ZFAND2A: variants seen among roughly 807,000 people sequenced by gnomAD.
ZFAND2A encodes the protein zinc finger AN1-type containing 2A.
In ZFAND2A, 20 loss-of-function variants were observed where a neutral mutation model predicts 11.6. The observed-to-expected ratio is 1.72, with a 90% CI of 1.21 to 2.50. The LOEUF is 2.50. Ranked by LOEUF, ZFAND2A falls within the 30% of genes most tolerant of loss-of-function variation. The probability of loss-of-function intolerance (pLI) is 0.00; values close to 1 mark genes in which losing one functional copy is unlikely to be tolerated. For missense variants in ZFAND2A, 234 were observed against 182.9 expected (o/e 1.28, Z -1.61); for synonymous variants, 93 against 60.6 (o/e 1.54, Z -2.48).
chr7:1,157,586 T>TA (rs1793559018), intron 3 of ZFAND2A, 70 bp downstream of exon 3: 4 of 1,438,986 alleles, frequency 2.8e-6, no homozygotes, highest in Non-Finnish European at 3.8e-6. Flanking sequence ...CGCTAGTCCC[T>TA]ACCATACCAG....
chr7:1,150,774 A>G (rs558738541), downstream of ZFAND2A, among the ~76,000 whole-genome samples: 2 of 152,208 alleles, frequency 1.3e-5, no homozygotes, highest in East Asian at 1.9e-4. Flanking sequence ...CCACTGCTTC[A>G]TCACTGGACA....
intron 1 of ZFAND2A, among the ~76,000 whole-genome samples, chr7:1,159,153 G>C (rs1445314937): frequency 6.6e-6 from 1 of 151,924 alleles, no homozygotes; most frequent in African/African-American, 2.4e-5. Context: ...GCCCTCCTTC[G>C]CCCACAGCTT....
chr7:1,155,356 T>G, intron 4 of ZFAND2A, 97 bp downstream of exon 4: 1 of 1,523,326 alleles, frequency 6.6e-7, no homozygotes, highest in Non-Finnish European at 8.8e-7. Context: ...ACTTTGTACA[T>G]AAACTATTGG....
chr7:1,155,629 T>C (rs1479493108), intron 3 of ZFAND2A, 45 bp from the exon 4 acceptor site: 4 of 1,598,902 alleles, frequency 2.5e-6, no homozygotes, highest in Non-Finnish European at 3.4e-6. Context: ...TCATGCAACT[T>C]AAACTCACAG....
At chr7:1,156,889 A>G (rs1024263426) in intron 3 of ZFAND2A, 9 of 152,378 alleles carry the variant, frequency 5.9e-5, no homozygotes, top group Admixed American at 5.9e-4. Context: ...TGGCTTAGTC[A>G]TCCGTGCCTA....
chr7:1,155,185 C>T (rs1185767615), intron 4 of ZFAND2A, among the ~76,000 whole-genome samples: 3 of 152,102 alleles, frequency 2.0e-5, no homozygotes, highest in Non-Finnish European at 4.4e-5. Context: ...TCTAGAAAGC[C>T]ATGTGAATTC....
chr7:1,152,425 T>C (rs1474736163), downstream of ZFAND2A: 5 of 1,440,086 alleles, frequency 3.5e-6, no homozygotes, highest in Non-Finnish European at 4.6e-6. Context: ...GGTAAGCAAC[T>C]ACCACTGGCC....
chr7:1,152,991 GC>G lies in ZFAND2A; in HGVS notation c.*77del. On this transcript the variant is annotated 3_prime_UTR_variant, in exon 5 of 5. Transcript: ENST00000316495. ...CCAGTGTGGGATGGTGCTCAATGGG[GC>G]TCCACTTCCCACTAGAGTGTAAGCT... 6.3e-7 allele frequency: 1 copy of G among 1,576,550 alleles called. No homozygotes were observed. Among genetic ancestry groups the G allele is most frequent in the Non-Finnish European group, 8.7e-7 (1 of 1,154,734 alleles).
downstream of ZFAND2A, among the ~76,000 whole-genome samples, chr7:1,148,851 G>A (rs1188981465): frequency 8.0e-6 from 1 of 124,242 alleles, no homozygotes; most frequent in Admixed American, 8.3e-5. Context: ...TTTTTTTAAT[G>A]AGACAGTCTT....
chr7:1,158,072 A>G, intron 2 of ZFAND2A, 86 bp downstream of exon 2: 1 of 1,353,326 alleles, frequency 7.4e-7, no homozygotes, highest in South Asian at 1.2e-5. Flanking sequence ...AGGAAGGCCA[A>G]GACACAATTA....
chr7:1,151,652 G>C (rs565972264), downstream of ZFAND2A, among the ~76,000 whole-genome samples: 1 of 151,256 alleles, frequency 6.6e-6, no homozygotes, highest in African/African-American at 2.4e-5. Context: ...CCAGCTACTC[G>C]GGAGGCTGAG....
downstream of ZFAND2A, among the ~76,000 whole-genome samples, chr7:1,149,829 G>T (rs1793365214): frequency 6.6e-6 from 1 of 152,040 alleles, no homozygotes; most frequent in Admixed American, 6.6e-5. Context: ...CTGTGGGACT[G>T]CAGGGTGACT....
intron 1 of ZFAND2A, 65 bp from the exon 2 acceptor site, chr7:1,158,322 T>C (rs569888486): frequency 6.1e-6 from 6 of 979,856 alleles, no homozygotes; most frequent in Non-Finnish European, 9.6e-6. Context: ...GGATTTACAA[T>C]GTAATTACAG....
At position 1,155,551 on chromosome 7, in the gene ZFAND2A, T is replaced by C. The variant is rs751048800; in HGVS notation, c.184A>G (p.Thr62Ala). ...TGGCCCTTTTTTACTGGGATGGGGG[T>C]ATTACAGAGTGGGCATACTGGGACG... ...VHVPVCPLCN[T>A]PIPVKKGQIP... Residue 62 changes from threonine (T) to alanine (A), a missense_variant, in exon 4 of 5, where the codon ACC (threonine) becomes GCC (alanine). Thr to Ala is a moderately conservative substitution (Grantham distance 58). Coordinates refer to ENST00000316495, the MANE Select transcript of ZFAND2A (RefSeq NM_182491.4). 7 of 1,612,920 alleles carry C rather than the reference T, an allele frequency of 4.3e-6. No homozygotes were observed. In the South Asian group the frequency reaches 6.6e-5, roughly 15 times the overall value.
chr7:1,155,768 G>C, intron 3 of ZFAND2A, 184 bp from the exon 4 acceptor site: 1 of 649,282 alleles, frequency 1.5e-6, no homozygotes, highest in South Asian at 2.0e-5. Flanking sequence ...CTAGAATGTG[G>C]GCATCAGCTG....
At chr7:1,157,882 T>C in intron 2 of ZFAND2A, 132 bp from the exon 3 acceptor site, 1 of 759,834 alleles carries the variant, frequency 1.3e-6, no homozygotes, top group East Asian at 2.6e-5. Context: ...GCCACACATG[T>C]GAAAACAATC....
chr7:1,159,832 G>A lies in ZFAND2A; in HGVS notation c.-46+132C>T, dbSNP rs921471932. 4 of 182,688 alleles carry A rather than the reference G, an allele frequency of 2.2e-5. 1 individual carries two copies. The highest frequency in any genetic ancestry group is 9.7e-5 in the African/African-American group (4 of 41,418). 11.3% of individuals were successfully genotyped at this position (182,688 alleles called of 1,614,324 possible). A position where few individuals can be genotyped will look rare whatever the true frequency, so the allele number is the denominator to read the frequency against. On this transcript the variant is annotated intron_variant, in intron 1 of 4. Transcript: ENST00000316495. ...CAGCAGACAGGCCGGACCCCCAGCA[G>A]CCTGACCTCCAGCAAGCAGCCGGAC...
At chr7:1,151,148 A>G (rs938676359), downstream of ZFAND2A, among the ~76,000 whole-genome samples, 2 of 152,116 alleles carry the variant, frequency 1.3e-5, no homozygotes, top group Non-Finnish European at 2.9e-5. Flanking sequence ...TCCGCCTCCC[A>G]AAGTGCTGAG....
chr7:1,152,246 C>A, downstream of ZFAND2A: 1 of 1,569,410 alleles, frequency 6.4e-7, no homozygotes, highest in Admixed American at 1.9e-5. Flanking sequence ...TCACATGAGC[C>A]GGGTGAACCA....
Sources: allele counts gnomAD v4.1 joint callset (sites outside exome capture counted in the v4.1 genomes callset), GRCh38; gene constraint gnomAD v4.1.1; transcripts MANE v1.5; gene names NCBI Gene and HGNC (gene_info 2026-07-23, HGNC 2026-07-21).